Variants in NECTIN3 observed in about 807,000 individuals in gnomAD.
NECTIN3 encodes nectin cell adhesion molecule 3.
NECTIN3 carries 8 observed loss-of-function variants against 49.4 expected under a neutral mutation model. The observed-to-expected ratio is 0.16, with a 90% CI of 0.10 to 0.29. NECTIN3 has a LOEUF of 0.29. Ranked by LOEUF, NECTIN3 falls within the 10% of genes least tolerant of loss-of-function variation. The pLI is 1.00. For synonymous variants in NECTIN3, 277 were observed against 241.1 expected (o/e 1.15, Z -1.38); for missense variants, 581 against 654.6 (o/e 0.89, Z 1.23).
intron 1 of NECTIN3, among the ~76,000 whole-genome samples, chr3:111,086,286 ATCTG>A (rs1455868595): frequency 6.6e-6 from 1 of 152,184 alleles, no homozygotes; most frequent in African/African-American, 2.4e-5. Flanking sequence ...GTTCCTGAAT[ATCTG>A]TCTGTGTAGT....
chr3:111,111,521 A>G (rs1011204069), intron 1 of NECTIN3, among the ~76,000 whole-genome samples: 1 of 152,162 alleles, frequency 6.6e-6, no homozygotes, highest in Admixed American at 6.6e-5. Flanking sequence ...ATCTATTGCC[A>G]TGTAAAAAAT....
chr3:111,167,092 T>C (rs1307088483), intron 7 of NECTIN3, among the ~76,000 whole-genome samples: 1 of 152,198 alleles, frequency 6.6e-6, no homozygotes, highest in African/African-American at 2.4e-5. Flanking sequence ...TTCACCCATT[T>C]GAGCTAAGTG....
intron 1 of NECTIN3, among the ~76,000 whole-genome samples, chr3:111,095,267 A>G (rs968177958): frequency 6.6e-6 from 1 of 152,192 alleles, no homozygotes; most frequent in Non-Finnish European, 1.5e-5. Context: ...ACTGAAAAAA[A>G]GGAACCTAAA....
rs2033491217 is a variant in NECTIN3 at position 111,112,044 on chromosome 3, C to G, written c.175C>G (p.Pro59Ala). 1.2e-6 allele frequency: 2 copies of G among 1,607,082 alleles called. No individual in the cohort carries two copies. The highest frequency in any genetic ancestry group is 1.3e-5 in the African/African-American group (1 of 74,620). The change falls in exon 2 of 6, where the codon CCA (proline) becomes GCA (alanine). Residue 59 changes from proline to alanine, a missense_variant. Coordinates refer to ENST00000485303, the MANE Select transcript of NECTIN3 (RefSeq NM_015480.3). Reference sequence around the variant, plus strand: ...TTCCTCCATAGGTGCCTTAGCTGGACCAATTATTGTGGAGCCACATGTCAC... The same window carrying G: ...TTCCTCCATAGGTGCCTTAGCTGGAGCAATTATTGTGGAGCCACATGTCAC... ...FSRLCGALAG[P>A]IIVEPHVTAV...
intron 7 of NECTIN3, among the ~76,000 whole-genome samples, chr3:111,187,005 A>G (rs915860532): frequency 1.3e-5 from 2 of 152,186 alleles, no homozygotes; most frequent in African/African-American, 4.8e-5. Flanking sequence ...TATTTTGTTA[A>G]TTACTTTTTT....
At chr3:111,074,439 T>C (rs1468178732) in intron 1 of NECTIN3, among the ~76,000 whole-genome samples, 4 of 152,154 alleles carry the variant, frequency 2.6e-5, no homozygotes, top group Non-Finnish European at 5.9e-5. Flanking sequence ...ATGAGAATGC[T>C]TTACTTGTTT....
chr3:111,097,178 C>T (rs1193634839), intron 1 of NECTIN3, among the ~76,000 whole-genome samples: 1 of 152,172 alleles, frequency 6.6e-6, no homozygotes, highest in Non-Finnish European at 1.5e-5. Context: ...GACATGTAGT[C>T]AAAGGAGATC....
intron 1 of NECTIN3, among the ~76,000 whole-genome samples, chr3:111,078,909 C>T (rs2031416191): frequency 6.6e-6 from 1 of 152,024 alleles, no homozygotes; most frequent in African/African-American, 2.4e-5. Context: ...TGAGATGTAT[C>T]GTACTTCATG....
chr3:111,122,066 A>AT, intron 3 of NECTIN3, 55 bp from the exon 4 acceptor site: 1 of 1,165,134 alleles, frequency 8.6e-7, no homozygotes, highest in Non-Finnish European at 1.3e-6. Flanking sequence ...TATCATGTAT[A>AT]TTGCATTTAT....
chr3:111,153,930 TAG>T (rs2035048077), intron 7 of NECTIN3, among the ~76,000 whole-genome samples: 1 of 152,296 alleles, frequency 6.6e-6, no homozygotes, highest in South Asian at 2.1e-4. Context: ...GCTTACATTT[TAG>T]TGATGAATGG....
intron 1 of NECTIN3, among the ~76,000 whole-genome samples, chr3:111,085,433 C>T (rs548162407): frequency 6.6e-6 from 1 of 152,210 alleles, no homozygotes; most frequent in East Asian, 1.9e-4. Flanking sequence ...TTAAAATTGA[C>T]GTATACATCA....
In NECTIN3 at chr3:111,134,524, A is replaced by G. The variant is rs1010778392; in HGVS notation, c.*309A>G. 4.0e-6 allele frequency: 4 copies of G among 999,954 alleles called. No homozygotes were observed. The African/African-American group carries it at 6.9e-5, about 17-fold the overall frequency. 61.9% of individuals were successfully genotyped at this position (999,954 alleles called of 1,614,324 possible). A position where few individuals can be genotyped will look rare whatever the true frequency, so the allele number is the denominator to read the frequency against. ...TTAAATGTATGACTTACTTGGTACA[A>G]AAATTTTTTAAAAAGGGAACTACCT... is the stretch of plus-strand genomic sequence containing the variant. On this transcript the variant is annotated 3_prime_UTR_variant, in exon 6 of 6. Coordinates refer to ENST00000485303, the MANE Select transcript of NECTIN3 (RefSeq NM_015480.3).
At chr3:111,089,039 G>A (rs1188778491) in intron 1 of NECTIN3, among the ~76,000 whole-genome samples, 1 of 152,006 alleles carries the variant, frequency 6.6e-6, no homozygotes, top group Non-Finnish European at 1.5e-5. Context: ...TAGCATTTTT[G>A]TGGGAATTTG....
chr3:111,097,864 T>C (rs2032680057), intron 1 of NECTIN3, among the ~76,000 whole-genome samples: 1 of 152,136 alleles, frequency 6.6e-6, no homozygotes, highest in African/African-American at 2.4e-5. Context: ...AGCATGAAAA[T>C]GGACGAATAC....
At chr3:111,188,807 C>A (rs1937606915), upstream of NECTIN3, among the ~76,000 whole-genome samples, 1 of 152,172 alleles carries the variant, frequency 6.6e-6, no homozygotes, top group African/African-American at 2.4e-5. Context: ...CCAGGGTGTT[C>A]AGCAAAGTGT....
At chr3:111,151,367 A>C (rs190469631) in intron 7 of NECTIN3, among the ~76,000 whole-genome samples, 1 of 151,794 alleles carries the variant, frequency 6.6e-6, no homozygotes, top group Admixed American at 6.6e-5. Flanking sequence ...CACAGATACT[A>C]TATTTCAGTA....
intron 1 of NECTIN3, chr3:111,077,282 GTAGA>G (rs1559762153): frequency 2.8e-6 from 1 of 359,636 alleles, no homozygotes; most frequent in Admixed American, 2.9e-5. Flanking sequence ...TGCATTGTGA[GTAGA>G]TATTCATAAA....
At chr3:111,080,986 T>G (rs2031566393) in intron 1 of NECTIN3, among the ~76,000 whole-genome samples, 1 of 152,222 alleles carries the variant, frequency 6.6e-6, no homozygotes, top group East Asian at 1.9e-4. Context: ...TTAAACATAT[T>G]TAAAACACAA....
At chr3:111,152,546 T>C (rs1255950570) in intron 7 of NECTIN3, among the ~76,000 whole-genome samples, 4 of 151,934 alleles carry the variant, frequency 2.6e-5, no homozygotes, top group Admixed American at 2.0e-4. Flanking sequence ...TTTTGTCTTT[T>C]TATTTATTGG....
Sources: gnomAD v4.1 joint callset for allele counts (sites outside exome capture counted in the v4.1 genomes callset) on GRCh38, gnomAD v4.1.1 for gene constraint, MANE v1.5 for transcripts, NCBI Gene and HGNC (gene_info 2026-07-23, HGNC 2026-07-21) for gene names.